The following CDH22 variants were observed in gnomAD, a reference collection of about 807,000 sequenced individuals.
CDH22 encodes the protein cadherin 22.
A neutral mutation model predicts 58.4 loss-of-function variants in CDH22; 30 were observed. The ratio of observed to expected loss-of-function variants is 0.51; its 90% CI spans 0.38 to 0.70. CDH22 has a LOEUF of 0.70. Ranked by LOEUF, CDH22 falls within the 30% of genes least tolerant of loss-of-function variation. The pLI is 0.00. For missense variants in CDH22, 1,014 were observed against 1,233.9 expected (o/e 0.82, Z 2.67); for synonymous variants, 513 against 558.2 (o/e 0.92, Z 1.14).
chr20:46,305,567 T>G (rs1568687850), intron 1 of CDH22, among the ~76,000 whole-genome samples: 1 of 152,136 alleles, frequency 6.6e-6, no homozygotes, highest in African/African-American at 2.4e-5. Context: ...GGTCTTCTAT[T>G]CCCTCACTCC....
chr20:46,181,708 TTTC>T (rs1192993308), intron 10 of CDH22, among the ~76,000 whole-genome samples: 1 of 93,832 alleles, frequency 1.1e-5, no homozygotes, highest in East Asian at 2.8e-4. Flanking sequence ...TTTTCTTTTC[TTTC>T]TTTTTTTCCT....
chr20:46,193,079 G>A (rs559832004), intron 8 of CDH22, among the ~76,000 whole-genome samples: 44 of 152,210 alleles, frequency 2.9e-4, no homozygotes, highest in African/African-American at 9.9e-4. Context: ...GGTGAAGCAG[G>A]GACCCTGAAA....
At chr20:46,286,510 C>A (rs1002253273) in intron 1 of CDH22, among the ~76,000 whole-genome samples, 2 of 152,194 alleles carry the variant, frequency 1.3e-5, no homozygotes, top group Non-Finnish European at 2.9e-5. Flanking sequence ...GTTCCAGGAT[C>A]ATTATTAATA....
At chr20:46,307,283 C>T (rs1306659431) in intron 1 of CDH22, among the ~76,000 whole-genome samples, 2 of 152,250 alleles carry the variant, frequency 1.3e-5, no homozygotes, top group African/African-American at 2.4e-5. Context: ...CAGCCCTACC[C>T]TCTGCAGCCC....
intron 3 of CDH22, among the ~76,000 whole-genome samples, chr20:46,232,769 C>T (rs2086228495): frequency 6.6e-6 from 1 of 152,218 alleles, no homozygotes; most frequent in African/African-American, 2.4e-5. Context: ...TGCTGCCCTC[C>T]TCCCAACTCC....
At position 46,200,154 on chromosome 20, in the gene CDH22, TC is replaced by T. The variant is rs374723658; in HGVS notation, c.1287-596del. 8.1e-3 allele frequency among the ~76,000 whole-genome samples: 1,219 copies of T among 151,400 alleles called. 12 individuals are homozygous for T. The highest frequency in any genetic ancestry group is 0.024 in the African/African-American group (999 of 41,184). On this transcript the variant is annotated intron_variant, in intron 7 of 11. Coordinates refer to ENST00000537909, the MANE Select transcript of CDH22 (RefSeq NM_021248.3). ...ACGCCCGGCTAATTTTTTGTATTTT[TC>T]AGTAGAGACGGGGTTTCACCGTGTT...
chr20:46,180,444 C>T (rs953669522), intron 10 of CDH22, among the ~76,000 whole-genome samples: 5 of 152,124 alleles, frequency 3.3e-5, no homozygotes, highest in African/African-American at 9.7e-5. Context: ...CCAAAGGATG[C>T]GTCAACCCCA....
chr20:46,192,923 CCAG>C (rs1051321477), intron 8 of CDH22, among the ~76,000 whole-genome samples: 54 of 152,046 alleles, frequency 3.6e-4, no homozygotes, highest in African/African-American at 1.2e-3. Context: ...ATGCCCCCCC[CCAG>C]TGGGAGCAGG....
chr20:46,289,082 G>C (rs1160713262), intron 1 of CDH22, among the ~76,000 whole-genome samples: 1 of 151,982 alleles, frequency 6.6e-6, no homozygotes, highest in Non-Finnish European at 1.5e-5. Context: ...CTCTATTTCA[G>C]CCACACTGGC....
Position 46,226,231 on chromosome 20 carries a change from C to CCTTCTTCTTCTTCTTCTT in CDH22, c.670+1259_670+1276dup, listed in dbSNP as rs74176857. Reference sequence around the variant, plus strand: ...TCTCTGAAATCTTGGTCTGGCAACACCTTCTTCTTCTTCTTCTTCTTCTTC... The same window carrying CCTTCTTCTTCTTCTTCTT: ...TCTCTGAAATCTTGGTCTGGCAACACCTTCTTCTTCTTCTTCTTCTTCTTCTTCTTCTTCTTCTTCTTC... On this transcript the variant is annotated intron_variant, in intron 4 of 11. Coordinates refer to ENST00000537909, the MANE Select transcript of CDH22 (RefSeq NM_021248.3). Among the ~76,000 whole-genome samples the CCTTCTTCTTCTTCTTCTT allele has an allele frequency of 2.8e-3, 239 of 86,588 alleles. 1 individual carries two copies. The highest frequency in any genetic ancestry group is 5.7e-3 in the East Asian group (19 of 3,338). 56.8% of individuals were successfully genotyped at this position (86,588 alleles called of 152,430 possible).
intron 10 of CDH22, among the ~76,000 whole-genome samples, chr20:46,181,748 C>CTTTCTTTCTTTCTTTCTTTCT (rs1555800212): frequency 1.5e-4 from 4 of 26,312 alleles, no homozygotes; most frequent in East Asian, 2.4e-3. Flanking sequence ...TCCTTCCTTC[C>CTTTCTTTCTTTCTTTCTTTCT]TTCCTTCTTT....
At chr20:46,245,055 T>C (rs1228629904) in intron 2 of CDH22, among the ~76,000 whole-genome samples, 1 of 152,154 alleles carries the variant, frequency 6.6e-6, no homozygotes, top group East Asian at 1.9e-4. Context: ...ATTCTGAAGA[T>C]TCATAAGATA....
At chr20:46,198,147 G>A (rs1248940957) in intron 8 of CDH22, among the ~76,000 whole-genome samples, 2 of 152,122 alleles carry the variant, frequency 1.3e-5, no homozygotes, top group African/African-American at 2.4e-5. Flanking sequence ...GGGCATGGAG[G>A]AAGCCCAAGG....
rs1394250182 is a variant in CDH22, at chr20:46,210,447, G to A, written c.1146C>T (p.Arg382=). 6 of 1,440,432 alleles carry A rather than the reference G, an allele frequency of 4.2e-6. No homozygotes were observed. The highest frequency in any genetic ancestry group is 1.5e-5 in the South Asian group (1 of 66,482). The allele number at this position is 1,440,432 out of a possible 1,614,324, so 89.2% of individuals were successfully genotyped here. A position where few individuals can be genotyped will look rare whatever the true frequency, so the allele number is the denominator to read the frequency against. Residue 382 remains arginine (R), a synonymous_variant, in exon 7 of 12, where the codon CGC becomes CGT. Coordinates refer to ENST00000537909, the MANE Select transcript of CDH22 (RefSeq NM_021248.3). This position sits in a 1 kb window ranked among gnomAD's most constrained non-coding sequence, Gnocchi z 4.5. ...LGTFRDQAIV[R]VAVTDVDEPP... ...GCTCGTCCACGTCGGTCACGGCCAC[G>A]CGCACGATCGCCTGGTCGCGGAACG... is the stretch of plus-strand genomic sequence containing the variant.
At chr20:46,233,444 G>A (rs1398052682) in intron 3 of CDH22, among the ~76,000 whole-genome samples, 1 of 152,084 alleles carries the variant, frequency 6.6e-6, no homozygotes, top group Non-Finnish European at 1.5e-5. Flanking sequence ...TGTTTGTTTC[G>A]GACTGCAACA....
intron 4 of CDH22, among the ~76,000 whole-genome samples, chr20:46,225,754 G>A (rs923072210): frequency 1.3e-5 from 2 of 152,036 alleles, no homozygotes; most frequent in Non-Finnish European, 2.9e-5. Context: ...TACCTTTGGG[G>A]CTGCAATTAC....
At chr20:46,234,566 A>G (rs941427500) in intron 3 of CDH22, among the ~76,000 whole-genome samples, 2 of 152,218 alleles carry the variant, frequency 1.3e-5, no homozygotes, top group African/African-American at 4.8e-5. Context: ...CCCATCTATT[A>G]AATATGCTGC....
At chr20:46,273,728 T>C (rs574170505) in intron 1 of CDH22, among the ~76,000 whole-genome samples, 2 of 152,262 alleles carry the variant, frequency 1.3e-5, no homozygotes, top group East Asian at 3.9e-4. Context: ...AGTGCAAGGA[T>C]GGAACTGCAT....
chr20:46,269,802 A>G (rs1270512709), intron 1 of CDH22, among the ~76,000 whole-genome samples: 1 of 152,080 alleles, frequency 6.6e-6, no homozygotes, highest in East Asian at 1.9e-4. Flanking sequence ...TCCCTGCCCC[A>G]AGCCTACCCC....
Sources: gnomAD v4.1 joint callset for allele counts (sites outside exome capture counted in the v4.1 genomes callset) on GRCh38, gnomAD v4.1.1 for gene constraint, Gnocchi (gnomAD v3.1) non-coding constraint, MANE v1.5 for transcripts, NCBI Gene and HGNC (gene_info 2026-07-23, HGNC 2026-07-21) for gene names.